ZNF710: variants seen among roughly 807,000 people sequenced by gnomAD.
The protein encoded by ZNF710 is zinc finger protein 710.
ZNF710 carries 13 observed loss-of-function variants against 50.6 expected under a neutral mutation model. The ratio of observed to expected loss-of-function variants is 0.26; its 90% CI spans 0.17 to 0.41. The LOEUF (loss-of-function observed/expected upper bound fraction) is 0.41. Ranked by LOEUF, ZNF710 falls within the 10% of genes least tolerant of loss-of-function variation. The pLI, the probability that ZNF710 is intolerant of heterozygous loss-of-function variation, is 1.00. For missense variants in ZNF710, 721 were observed against 936.6 expected, an observed-to-expected ratio of 0.77 and a Z score of 3.01; for synonymous variants, 383 against 397.0, an observed-to-expected ratio of 0.96 and a Z score of 0.42.
At chr15:90,019,296 G>A (rs1160821774) in intron 1 of ZNF710, among the ~76,000 whole-genome samples, 1 of 133,788 alleles carries the variant, frequency 7.5e-6, no homozygotes, top group South Asian at 2.5e-4. Flanking sequence ...TAGTTCTTTT[G>A]AACAGATGGA....
chr15:90,010,774 A>G (rs1898277150), intron 1 of ZNF710, among the ~76,000 whole-genome samples: 1 of 152,102 alleles, frequency 6.6e-6, no homozygotes, highest in African/African-American at 2.4e-5. Context: ...TTTTAGAGAA[A>G]GGATCTTGCT....
chr15:90,006,270 G>A (rs531392572), intron 1 of ZNF710, among the ~76,000 whole-genome samples: 11 of 152,322 alleles, frequency 7.2e-5, no homozygotes, highest in African/African-American at 2.6e-4. Context: ...TTGCTTTTCA[G>A]GTTAAAGTTT....
chr15:90,074,358 C>T (rs1053317983), intron 4 of ZNF710, 68 bp downstream of exon 4: 1 of 1,596,856 alleles, frequency 6.3e-7, no homozygotes. Flanking sequence ...GAGCCTCCTG[C>T]CCAGTTAGAG....
intron 1 of ZNF710, among the ~76,000 whole-genome samples, chr15:90,008,157 A>T (rs967472874): frequency 2.0e-5 from 3 of 152,006 alleles, no homozygotes; most frequent in African/African-American, 7.3e-5. Flanking sequence ...ATGTTGAATC[A>T]GCAGCTTCAA....
At chr15:90,045,434 C>T (rs1045944715) in intron 1 of ZNF710, 25 of 980,386 alleles carry the variant, frequency 2.6e-5, no homozygotes, top group Admixed American at 6.2e-5. Flanking sequence ...GGTAAGGGTG[C>T]AGCTCTAGTG....
At chr15:90,001,904 G>A (rs1291200823) in intron 1 of ZNF710, among the ~76,000 whole-genome samples, 2 of 140,748 alleles carry the variant, frequency 1.4e-5, no homozygotes, top group African/African-American at 5.3e-5. Context: ...GAGAGGAGGG[G>A]GAGGGGGAAG....
chr15:90,031,319 T>C (rs985163553), intron 1 of ZNF710, among the ~76,000 whole-genome samples: 1 of 152,172 alleles, frequency 6.6e-6, no homozygotes, highest in Non-Finnish European at 1.5e-5. Context: ...CCTGGGGGGA[T>C]CCAGGATGCA....
At chr15:90,033,655 C>T (rs1382066080) in intron 1 of ZNF710, among the ~76,000 whole-genome samples, 3 of 152,148 alleles carry the variant, frequency 2.0e-5, no homozygotes, top group East Asian at 3.9e-4. Flanking sequence ...ACCTCCTGGG[C>T]CTGAGCGATC....
chr15:90,030,115 A>C (rs893853841), intron 1 of ZNF710, among the ~76,000 whole-genome samples: 5 of 150,678 alleles, frequency 3.3e-5, no homozygotes, highest in African/African-American at 1.2e-4. Context: ...GGATCGCCTG[A>C]GGTCAGGAGT....
chr15:90,035,265 T>C (rs1003750202), intron 1 of ZNF710, among the ~76,000 whole-genome samples: 1 of 152,258 alleles, frequency 6.6e-6, no homozygotes, highest in Non-Finnish European at 1.5e-5. Context: ...ACACCCCAGC[T>C]TCCGGCTGCT....
In ZNF710 at chr15:90,079,776, A is replaced by T; in HGVS notation, c.1942A>T (p.Ser648Cys). Residue 648 changes from serine (S) to cysteine (C), a missense_variant, in exon 5 of 5, where the codon AGT (serine) becomes TGT (cysteine). Ser to Cys is a moderately radical substitution (Grantham distance 112). Transcript: ENST00000268154. ...YASVDSSAEA[S>C]VLTEQAMKEM... ...GAGCGTGGACAGCAGCGCCGAGGCC[A>T]GTGTCCTCACTGAACAGGCCATGAA... The T allele has an allele frequency of 6.2e-7, 1 of 1,612,890 alleles. No individual in the cohort carries two copies. The highest frequency in any genetic ancestry group is 8.5e-7 in the Non-Finnish European group (1 of 1,179,592).
chr15:90,055,717 GCACAC>G (rs1398520756), intron 1 of ZNF710, among the ~76,000 whole-genome samples: 2 of 152,360 alleles, frequency 1.3e-5, no homozygotes, highest in East Asian at 3.9e-4. Context: ...AATCTCCTGT[GCACAC>G]CTTCATGGTC....
chr15:90,070,455 T>C (rs1447785765), intron 2 of ZNF710, among the ~76,000 whole-genome samples: 5 of 151,838 alleles, frequency 3.3e-5, no homozygotes, highest in African/African-American at 1.2e-4. Flanking sequence ...GAGAATCACT[T>C]GAGCCCAGGA....
At chr15:90,030,151 G>A (rs571472344) in intron 1 of ZNF710, among the ~76,000 whole-genome samples, 52 of 150,438 alleles carry the variant, frequency 3.5e-4, no homozygotes, top group African/African-American at 1.2e-3. Flanking sequence ...CCAACATGGT[G>A]AAACCCCGTC....
At chr15:90,058,840 A>G (rs1310719635) in intron 1 of ZNF710, among the ~76,000 whole-genome samples, 1 of 152,004 alleles carries the variant, frequency 6.6e-6, no homozygotes, top group Non-Finnish European at 1.5e-5. Context: ...ACTCAGCAAG[A>G]TTCATAAGTT....
intron 2 of ZNF710, among the ~76,000 whole-genome samples, chr15:90,071,807 T>C (rs1900398961): frequency 6.6e-6 from 1 of 151,544 alleles, no homozygotes; most frequent in Admixed American, 6.6e-5. Flanking sequence ...GCCTCCTGAG[T>C]AGCTGGGATT....
intron 1 of ZNF710, among the ~76,000 whole-genome samples, chr15:90,007,031 C>G (rs940632776): frequency 2.6e-5 from 4 of 152,212 alleles, no homozygotes; most frequent in Admixed American, 6.5e-5. Flanking sequence ...GGAGACCCTG[C>G]AGACTCTAGT....
chr15:90,031,030 A>AC lies in ZNF710; in HGVS notation c.-29+29416_-29+29417insC, dbSNP rs1567226823. Among the ~76,000 whole-genome samples, 17 of 149,326 alleles carry AC rather than the reference A, an allele frequency of 1.1e-4. 3 individuals are homozygous for AC. The highest frequency in any genetic ancestry group is 2.2e-4 in the Non-Finnish European group (15 of 67,122). ...CGAGACTCCGTCTCAAAAAAAAAGAAAAAAAAAAAAATGCTTAATGGATTG... is the reference window on the plus strand; with the variant it reads ...CGAGACTCCGTCTCAAAAAAAAAGAACAAAAAAAAAAATGCTTAATGGATTG... On this transcript the variant is annotated intron_variant, in intron 1 of 4. Coordinates refer to ENST00000268154, the MANE Select transcript of ZNF710 (RefSeq NM_198526.4).
intron 4 of ZNF710, chr15:90,075,033 G>A (rs1340649324): frequency 6.1e-6 from 1 of 163,118 alleles, no homozygotes; most frequent in Non-Finnish European, 1.3e-5. Flanking sequence ...TTCAGAGGCT[G>A]TCAGAAAACA....
Sources: allele counts gnomAD v4.1 joint callset (sites outside exome capture counted in the v4.1 genomes callset), GRCh38; gene constraint gnomAD v4.1.1; transcripts MANE v1.5; gene names NCBI Gene and HGNC (gene_info 2026-07-23, HGNC 2026-07-21).